Variants in IRAK1BP1 observed in about 807,000 individuals in gnomAD.
The protein encoded by IRAK1BP1 is interleukin 1 receptor associated kinase 1 binding protein 1.
In IRAK1BP1, 24 loss-of-function variants were observed where a neutral mutation model predicts 28.0. The observed-to-expected ratio is 0.86, with a 90% confidence interval of 0.62 to 1.20. The LOEUF (loss-of-function observed/expected upper bound fraction) is 1.20. Among genes scored for constraint, IRAK1BP1 ranks in the 50% most tolerant of loss-of-function variants. The pLI, the probability that IRAK1BP1 is intolerant of heterozygous loss-of-function variation, is 0.00. For synonymous variants in IRAK1BP1, 131 were observed against 116.3 expected, an observed-to-expected ratio of 1.13 and a Z score of -0.81; for missense variants, 336 against 316.7, an observed-to-expected ratio of 1.06 and a Z score of -0.46.
chr6:78,962,415 A>G, the IRAK1BP1 span, among the ~76,000 whole-genome samples: 1 of 152,182 alleles, frequency 6.6e-6, no homozygotes, highest in Non-Finnish European at 1.5e-5. Context: ...TATTTAAGGT[A>G]GTATTTATAA....
intron 4 of IRAK1BP1, chr6:78,941,097 G>A (rs1773478895): frequency 6.2e-7 from 1 of 1,613,578 alleles, no homozygotes; most frequent in Non-Finnish European, 8.5e-7. Flanking sequence ...GTTGAAGAAG[G>A]AAGTACTTCA....
At position 78,918,702 on chromosome 6, in the gene IRAK1BP1, A is replaced by T. The variant is rs914411258; in HGVS notation, c.*67+15592A>T. ...CCAACATTGCAGAACCCAGATTCATAAAACAAATACTTCTAGACCTATAAC... is the reference window on the plus strand; with the variant it reads ...CCAACATTGCAGAACCCAGATTCATTAAACAAATACTTCTAGACCTATAAC... On this transcript the variant is annotated intron_variant and NMD_transcript_variant, in intron 4 of 4. Coordinates refer to the IRAK1BP1 transcript ENST00000606868. 2.6e-5 allele frequency among the ~76,000 whole-genome samples: 4 copies of T among 152,250 alleles called. No homozygotes were observed. In the East Asian group the frequency reaches 7.7e-4, roughly 29 times the overall value.
rs375964672 is a variant in IRAK1BP1, at chr6:78,867,573, C to G, written c.-4C>G. Reference sequence around the variant, plus strand: ...GTTACTATGGAAACCCAGCTGCCATCGCTATGTCTCTGCAAAAGACCCCTC... The same window carrying G: ...GTTACTATGGAAACCCAGCTGCCATGGCTATGTCTCTGCAAAAGACCCCTC... On this transcript the variant is annotated 5_prime_UTR_variant, in exon 1 of 4. It adds an upstream start codon to the 5' untranslated region. Transcript: ENST00000369940. The G allele has an allele frequency of 3.8e-5, 61 of 1,612,416 alleles. No individual in the cohort carries two copies. The African/African-American group carries it at 7.6e-4, about 20-fold the overall frequency.
intron 4 of IRAK1BP1, among the ~76,000 whole-genome samples, chr6:78,921,016 G>C (rs1049466678): frequency 3.3e-5 from 5 of 152,174 alleles, no homozygotes. Context: ...GAAGATGAAT[G>C]ATTTCTGCAT....
chr6:78,908,712 A>G (rs1226110347), intron 4 of IRAK1BP1, among the ~76,000 whole-genome samples: 1 of 152,154 alleles, frequency 6.6e-6, no homozygotes, highest in Admixed American at 6.5e-5. Flanking sequence ...TACCAGAAGA[A>G]CTTCTGGGTT....
At chr6:78,876,495 G>C (rs970574558) in intron 1 of IRAK1BP1, among the ~76,000 whole-genome samples, 9 of 152,172 alleles carry the variant, frequency 5.9e-5, no homozygotes, top group Non-Finnish European at 1.3e-4. Flanking sequence ...AGAAAACTTA[G>C]CAGAGTAGGC....
chr6:78,948,767 T>C (rs537780304), downstream of IRAK1BP1, among the ~76,000 whole-genome samples: 1 of 152,298 alleles, frequency 6.6e-6, no homozygotes, highest in African/African-American at 2.4e-5. Context: ...GTGCTGGGAT[T>C]ATAGGCATTA....
chr6:78,935,673 T>C (rs1239836987), intron 4 of IRAK1BP1: 1 of 984,336 alleles, frequency 1.0e-6, no homozygotes, highest in East Asian at 1.1e-4. Context: ...GGCACCCAAA[T>C]ATCTTTTAAC....
At chr6:78,870,081 C>T (rs1440339524) in intron 1 of IRAK1BP1, among the ~76,000 whole-genome samples, 1 of 127,730 alleles carries the variant, frequency 7.8e-6, no homozygotes, top group African/African-American at 3.1e-5. Context: ...TGCACTCCAG[C>T]CTGGGCAACA....
intron 4 of IRAK1BP1, among the ~76,000 whole-genome samples, chr6:78,919,072 G>C (rs113851232): frequency 6.6e-6 from 1 of 151,538 alleles, no homozygotes; most frequent in African/African-American, 2.4e-5. Flanking sequence ...ACAATTACAG[G>C]GAAATTGAAC....
intron 2 of IRAK1BP1, among the ~76,000 whole-genome samples, chr6:78,893,136 G>A (rs1388515499): frequency 6.6e-6 from 1 of 150,982 alleles, no homozygotes; most frequent in South Asian, 2.1e-4. Flanking sequence ...CAAAACCAGT[G>A]ATAAATCTTA....
At chr6:78,880,143 T>C (rs1771172406) in intron 1 of IRAK1BP1, among the ~76,000 whole-genome samples, 1 of 152,156 alleles carries the variant, frequency 6.6e-6, no homozygotes, top group Admixed American at 6.5e-5. Context: ...GGAGAAAATC[T>C]ATGTGACCTT....
At chr6:78,955,418 T>C in the IRAK1BP1 span, 1 of 645,660 alleles carries the variant, frequency 1.5e-6, no homozygotes, top group Non-Finnish European at 2.5e-6. Context: ...ATTGACTCAT[T>C]AAAAAGGTTC....
At chr6:78,972,164 T>C in the IRAK1BP1 span, among the ~76,000 whole-genome samples, 4,763 of 149,860 alleles carry the variant, frequency 0.032, 91 homozygotes, top group Middle Eastern at 0.058. Context: ...GTTCTCCCAG[T>C]ACGCAGCTGG....
At chr6:78,896,923 A>G (rs1771905499) in intron 2 of IRAK1BP1, among the ~76,000 whole-genome samples, 2 of 151,972 alleles carry the variant, frequency 1.3e-5, no homozygotes, top group African/African-American at 4.8e-5. Context: ...ATTCTGTAGT[A>G]TCTGTATTTT....
downstream of IRAK1BP1, among the ~76,000 whole-genome samples, chr6:78,906,888 A>C (rs1324979777): frequency 6.6e-6 from 1 of 152,230 alleles, no homozygotes; most frequent in Non-Finnish European, 1.5e-5. Flanking sequence ...CTGAAATCCC[A>C]AAATACTATC....
chr6:78,940,768 TAA>T (rs1249926746), intron 4 of IRAK1BP1: 1 of 1,613,820 alleles, frequency 6.2e-7, no homozygotes. Flanking sequence ...TTCCAAAAGT[TAA>T]AGAGGTGTCT....
At position 78,925,498 on chromosome 6, in the gene IRAK1BP1, A is replaced by G. The variant is rs747365805; in HGVS notation, c.*68-19910A>G. On this transcript the variant is annotated intron_variant and NMD_transcript_variant, in intron 4 of 4. Coordinates refer to the IRAK1BP1 transcript ENST00000606868. ...AAACCGCAATGAAATACTATCTCAC[A>G]CCAGTGGAACAGTTCCTGTTAAAAA... Among the ~76,000 whole-genome samples, 47 of 152,134 alleles carry G rather than the reference A, an allele frequency of 3.1e-4. 1 individual carries two copies. The highest frequency in any genetic ancestry group is 4.7e-4 in the Non-Finnish European group (32 of 68,018).
At chr6:78,911,486 T>G (rs1039325739) in intron 4 of IRAK1BP1, among the ~76,000 whole-genome samples, 2 of 152,202 alleles carry the variant, frequency 1.3e-5, no homozygotes, top group African/African-American at 4.8e-5. Flanking sequence ...CTGGATTTTA[T>G]TTTATTGTGC....
Sources: gnomAD v4.1 joint callset for allele counts (sites outside exome capture counted in the v4.1 genomes callset) on GRCh38, gnomAD v4.1.1 for gene constraint, MANE v1.5 for transcripts, NCBI Gene and HGNC (gene_info 2026-07-23, HGNC 2026-07-21) for gene names.